AR: variants seen among roughly 807,000 people sequenced by gnomAD.
The protein encoded by AR is dihydrotestosterone receptor.
AR carries 8 observed loss-of-function variants against 53.9 expected under a neutral mutation model. That is an observed-to-expected ratio of 0.15 (90% CI 0.09 to 0.27). The LOEUF is 0.27. Ranked by LOEUF, AR falls within the 10% of genes least tolerant of loss-of-function variation. AR has a pLI of 1.00. For synonymous variants in AR, 359 were observed against 316.4 expected (o/e 1.13, Z -1.43); for missense variants, 639 against 742.5 (o/e 0.86, Z 1.62).
chrX:67,544,528 G>A lies in AR; in HGVS notation c.-619G>A. 1.2e-5 allele frequency: 2 copies of A among 165,170 alleles called. No individual in the cohort carries two copies. Among genetic ancestry groups the A allele is most frequent in the Non-Finnish European group, 1.1e-5 (1 of 87,496 alleles). The allele number at this position is 165,170 out of a possible 1,213,427, so 13.6% of individuals were successfully genotyped here. On this transcript the variant is annotated 5_prime_UTR_variant, in exon 1 of 8. Coordinates refer to ENST00000374690, the MANE Select transcript of AR (RefSeq NM_000044.6). ...TAACTCCCTTTGGCTGCGAGCGGGC[G>A]AGCTAGCTGCACATTGCAAAGAAGG...
At chrX:67,669,521 A>C (rs1480756646) in intron 2 of AR, among the ~76,000 whole-genome samples, 1 of 111,929 alleles carries the variant, frequency 8.9e-6, no homozygotes, top group African/African-American at 3.2e-5. Context: ...TTCTGCAGCC[A>C]TTGGATAAAA....
chrX:67,600,971 A>G (rs931849918), intron 1 of AR, among the ~76,000 whole-genome samples: 8 of 111,917 alleles, frequency 7.1e-5, no homozygotes, highest in Non-Finnish European at 1.3e-4. Context: ...ACATTTTTGT[A>G]TGTTAGTTAG....
chrX:67,560,667 G>A (rs1325769945), intron 1 of AR, among the ~76,000 whole-genome samples: 1 of 111,630 alleles, frequency 9.0e-6, no homozygotes, highest in African/African-American at 3.3e-5. Flanking sequence ...AATTCCTGGA[G>A]TTCCCTTACA....
chrX:67,646,200 G>A (rs1366208707), intron 2 of AR, among the ~76,000 whole-genome samples: 1 of 111,262 alleles, frequency 9.0e-6, no homozygotes, highest in Non-Finnish European at 1.9e-5. Flanking sequence ...TAACAGATGG[G>A]ACTTTTAGGC....
intron 7 of AR, 40 bp downstream of exon 7, chrX:67,723,024 C>G: frequency 1.7e-6 from 2 of 1,194,007 alleles, no homozygotes; most frequent in Non-Finnish European, 2.3e-6. Context: ...GGGAGAACAG[C>G]CTGATAGAGC....
chrX:67,660,104 C>A (rs1388424172), intron 2 of AR, among the ~76,000 whole-genome samples: 1 of 111,499 alleles, frequency 9.0e-6, no homozygotes, highest in African/African-American at 3.3e-5. Context: ...TTTGTAGATT[C>A]TGGATATTAC....
chrX:67,706,604 G>A (rs2076069082), intron 3 of AR, among the ~76,000 whole-genome samples: 1 of 110,989 alleles, frequency 9.0e-6, no homozygotes, highest in Non-Finnish European at 1.9e-5. Context: ...ACCAGCTCCT[G>A]GATTCATTGA....
chrX:67,593,668 G>A, intron 1 of AR, among the ~76,000 whole-genome samples: 1 of 112,175 alleles, frequency 8.9e-6, no homozygotes, highest in Non-Finnish European at 1.9e-5. Flanking sequence ...GTTTTCTTAA[G>A]TGCTTTCTTA....
intron 1 of AR, among the ~76,000 whole-genome samples, chrX:67,565,182 G>A (rs1044430497): frequency 9.0e-6 from 1 of 111,525 alleles, no homozygotes; most frequent in African/African-American, 3.3e-5. Flanking sequence ...TTCTAGGAAG[G>A]GAAATCACAA....
intron 1 of AR, among the ~76,000 whole-genome samples, chrX:67,642,429 C>T (rs940224100): frequency 4.5e-5 from 5 of 111,658 alleles, no homozygotes; most frequent in African/African-American, 1.3e-4. Flanking sequence ...AGAGCTTGGG[C>T]GCAGAAGTTC....
At chrX:67,632,077 T>A (rs1461860741) in intron 1 of AR, among the ~76,000 whole-genome samples, 1 of 112,818 alleles carries the variant, frequency 8.9e-6, no homozygotes, top group Non-Finnish European at 1.9e-5. Context: ...CTGCAGAGGT[T>A]ACTGCTGTCT....
chrX:67,620,335 C>A (rs189492169), intron 1 of AR, among the ~76,000 whole-genome samples: 97 of 109,242 alleles, frequency 8.9e-4, no homozygotes, highest in Admixed American at 3.5e-3. Flanking sequence ...TCTGCCTTAA[C>A]CAGTAGTGTC....
At chrX:67,671,086 A>T (rs955984415) in intron 2 of AR, among the ~76,000 whole-genome samples, 11 of 112,312 alleles carry the variant, frequency 9.8e-5, no homozygotes, top group Non-Finnish European at 2.1e-4. Flanking sequence ...TCTTTATAGA[A>T]GAATGATTTA....
chrX:67,695,832 C>A (rs1280261224), intron 3 of AR: 1 of 748,550 alleles, frequency 1.3e-6, no homozygotes. Flanking sequence ...CACACACACA[C>A]ACATACACAC....
chrX:67,565,769 T>C (rs1028206520), intron 1 of AR, among the ~76,000 whole-genome samples: 1 of 111,737 alleles, frequency 8.9e-6, no homozygotes, highest in Non-Finnish European at 1.9e-5. Flanking sequence ...CTCGTCTCAC[T>C]GCAACCTCTG....
chrX:67,574,161 A>C (rs1290358362), intron 1 of AR, among the ~76,000 whole-genome samples: 1 of 112,137 alleles, frequency 8.9e-6, no homozygotes, highest in Non-Finnish European at 1.9e-5. Flanking sequence ...CACTTCAACT[A>C]TAGAAGGCCT....
rs149831136 is a variant in AR at position 67,727,310 on chromosome X, C to T, written c.*3469C>T. 768 of 168,506 alleles carry T rather than the reference C, an allele frequency of 4.6e-3. 9 individuals are homozygous for T. Among genetic ancestry groups the T allele is most frequent in the African/African-American group, 0.022 (726 of 33,644 alleles). 13.9% of individuals were successfully genotyped at this position (168,506 alleles called of 1,213,427 possible). A position where few individuals can be genotyped will look rare whatever the true frequency, so the allele number is the denominator to read the frequency against. On this transcript the variant is annotated 3_prime_UTR_variant, in exon 8 of 8. Transcript: ENST00000374690. ...TAATACATATATTTTTATGTATGTT[C>T]ACTGGCACTAAAAAATATAGAGAGC...
intron 4 of AR, among the ~76,000 whole-genome samples, chrX:67,715,881 G>A (rs946225632): frequency 8.9e-6 from 1 of 111,819 alleles, no homozygotes; most frequent in Admixed American, 9.5e-5. Context: ...TTGTTGGTGA[G>A]AAGAGAGAGT....
chrX:67,595,905 G>T (rs1923057710), intron 1 of AR, among the ~76,000 whole-genome samples: 1 of 111,585 alleles, frequency 9.0e-6, no homozygotes, highest in Non-Finnish European at 1.9e-5. Flanking sequence ...ATATAGTTTG[G>T]ATGTGTGTCC....
Sources: allele counts gnomAD v4.1 joint callset (sites outside exome capture counted in the v4.1 genomes callset), GRCh38; gene constraint gnomAD v4.1.1; transcripts MANE v1.5; gene names NCBI Gene and HGNC (gene_info 2026-07-23, HGNC 2026-07-21).